The following ADGRV1 variants were observed in gnomAD, a reference collection of about 807,000 sequenced individuals.
ADGRV1 encodes adhesion G protein-coupled receptor V1.
In ADGRV1, 359 loss-of-function variants were observed where a neutral mutation model predicts 596.2. The observed-to-expected ratio is 0.60, with a 90% CI of 0.55 to 0.66. The LOEUF is 0.66. Ranked by LOEUF, ADGRV1 falls within the 30% of genes least tolerant of loss-of-function variation. ADGRV1 has a pLI of 0.00. For synonymous variants in ADGRV1, 2,681 were observed against 2,679.2 expected (o/e 1.00, Z -0.02); for missense variants, 7,274 against 7,575.6 (o/e 0.96, Z 1.48).
Position 90,674,152 on chromosome 5 carries a change from C to T in ADGRV1, c.5028C>T (p.Gly1676=), listed in dbSNP as rs1580692248. The change falls in exon 23 of 90, where the codon GGC becomes GGT. Residue 1676 remains glycine, a synonymous_variant. Transcript: ENST00000405460. ...VSAIPGDGKL[G]STPTSGASID... ...CAATTCCTGGAGATGGGAAGCTAGG[C>T]TCAACTCCTACCAGTGGTGCAAGCA... 6.2e-7 allele frequency: 1 copy of T among 1,613,448 alleles called. No individual in the cohort carries two copies. Among genetic ancestry groups the T allele is most frequent in the African/African-American group, 1.3e-5 (1 of 75,016 alleles).
At chr5:90,689,043 G>T (rs934919966) in intron 29 of ADGRV1, among the ~76,000 whole-genome samples, 12 of 152,172 alleles carry the variant, frequency 7.9e-5, no homozygotes, top group African/African-American at 2.9e-4. Context: ...ATTTGCCTGA[G>T]AACTATTCAA....
chr5:90,958,872 A>G (rs1777733438), intron 83 of ADGRV1, among the ~76,000 whole-genome samples: 1 of 152,226 alleles, frequency 6.6e-6, no homozygotes, highest in South Asian at 2.1e-4. Flanking sequence ...AATTTAGCCC[A>G]TAACAATACT....
At chr5:90,921,753 A>G (rs897487085) in intron 83 of ADGRV1, among the ~76,000 whole-genome samples, 2 of 151,388 alleles carry the variant, frequency 1.3e-5, no homozygotes, top group African/African-American at 2.4e-5. Flanking sequence ...AGTAATGCAT[A>G]TATGTATAAT....
intron 35 of ADGRV1, 119 bp from the exon 36 acceptor site, chr5:90,704,270 A>G (rs931635236): frequency 7.4e-6 from 5 of 678,326 alleles, no homozygotes; most frequent in South Asian, 5.8e-5. Flanking sequence ...AAGCCACAGA[A>G]CTTTTGTTTA....
At chr5:90,653,077 C>T in intron 19 of ADGRV1, 132 bp from the exon 20 acceptor site, 2 of 790,842 alleles carry the variant, frequency 2.5e-6, no homozygotes, top group Non-Finnish European at 4.0e-6. Context: ...CACATGGTGA[C>T]ACTACTTTTC....
rs567262599 is a variant in ADGRV1, at chr5:90,763,219, T to C, written c.12121-86T>C. On this transcript the variant is annotated intron_variant, in intron 58 of 89. Transcript: ENST00000405460. ...ATTCTAAATTATAAAACTGCAGTCA[T>C]TGTAAACAGAAATAAGATTCTACTT... 84 of 1,150,898 alleles carry C rather than the reference T, an allele frequency of 7.3e-5. No homozygotes were observed. In the East Asian group the frequency reaches 2.0e-3, roughly 27 times the overall value. The allele number at this position is 1,150,898 out of a possible 1,614,324, so 71.3% of individuals were successfully genotyped here.
Position 90,815,754 on chromosome 5 carries a change from A to T in ADGRV1, c.16196+18A>T, listed in dbSNP as rs1286147591. ...CCAAACAGGTATGTGTATATATAGT[A>T]TATGGAAGACGTAACATTCTGTGTG... On this transcript the variant is annotated intron_variant, in intron 75 of 89. Coordinates refer to ENST00000405460, the MANE Select transcript of ADGRV1 (RefSeq NM_032119.4). 4 of 1,228,464 alleles carry T rather than the reference A, an allele frequency of 3.3e-6. No homozygotes were observed. Among genetic ancestry groups the T allele is most frequent in the Non-Finnish European group, 4.7e-6 (4 of 851,264 alleles). The allele number at this position is 1,228,464 out of a possible 1,614,324, so 76.1% of individuals were successfully genotyped here.
At chr5:90,716,947 A>C (rs1750192529) in intron 43 of ADGRV1, 1 of 361,976 alleles carries the variant, frequency 2.8e-6, no homozygotes, top group Non-Finnish European at 5.0e-6. Flanking sequence ...AGGGTAAAAG[A>C]ATATGCAAAT....
At chr5:91,000,668 C>CTGTGTGTGTGTGTG (rs6149110) in intron 85 of ADGRV1, among the ~76,000 whole-genome samples, 3,383 of 141,162 alleles carry the variant, frequency 0.024, 120 homozygotes, top group Admixed American at 0.1. Context: ...CTTACAGGAT[C>CTGTGTGTGTGTGTG]TGTGTGTGTG....
At position 90,596,662 on chromosome 5, in the gene ADGRV1, C is replaced by T. The variant is rs550571808; in HGVS notation, c.23-18173C>T. ...AAAACCAGTCAGGCGTGGCGGCGCG[C>T]GCCTGCAATTGCAGGCACTCCGCAG... On this transcript the variant is annotated intron_variant, in intron 1 of 89. Coordinates refer to ENST00000405460, the MANE Select transcript of ADGRV1 (RefSeq NM_032119.4). Among the ~76,000 whole-genome samples the T allele has an allele frequency of 6.6e-5, 10 of 152,272 alleles. No individual in the cohort carries two copies. The South Asian group carries it at 1.5e-3, about 22-fold the overall frequency.
chr5:90,899,488 A>G (rs1771633876), intron 83 of ADGRV1, among the ~76,000 whole-genome samples: 1 of 152,124 alleles, frequency 6.6e-6, no homozygotes, highest in Non-Finnish European at 1.5e-5. Context: ...ACTTGGCCAA[A>G]TCTGGGAACT....
chr5:91,147,132 C>T (rs1158508577), intron 87 of ADGRV1, among the ~76,000 whole-genome samples: 1 of 147,576 alleles, frequency 6.8e-6, no homozygotes, highest in Non-Finnish European at 1.5e-5. Flanking sequence ...CACCACTGCA[C>T]TCCAACTGAA....
intron 83 of ADGRV1, among the ~76,000 whole-genome samples, chr5:90,875,875 G>A (rs1769173748): frequency 6.6e-6 from 1 of 152,140 alleles, no homozygotes; most frequent in Admixed American, 6.5e-5. Context: ...ATAACTAATT[G>A]TAAAAGCTAA....
chr5:90,819,250 T>C (rs1039069416), intron 75 of ADGRV1, among the ~76,000 whole-genome samples: 37 of 151,942 alleles, frequency 2.4e-4, no homozygotes, highest in African/African-American at 8.5e-4. Context: ...TTCTGTGGGA[T>C]TGGTGGTGAT....
At position 90,627,765 on chromosome 5, in the gene ADGRV1, T is replaced by A; in HGVS notation, c.1227T>A (p.Asp409Glu). ...AAAGGACAGTTATAATTGATGAAGATAGAATATCAAGGTATGATTTATTTT... is the reference window on the plus strand; with the variant it reads ...AAAGGACAGTTATAATTGATGAAGAAAGAATATCAAGGTATGATTTATTTT... ...LFERTVIIDEDRISRYEEITV... is the reference protein window; with the variant it reads ...LFERTVIIDEERISRYEEITV... The change falls in exon 7 of 90, where the codon GAT (aspartate) becomes GAA (glutamate). Residue 409 changes from aspartate to glutamate, a missense_variant. Physicochemically the swap from Asp to Glu is conservative, Grantham distance 45. Transcript: ENST00000405460. 6.6e-7 allele frequency: 1 copy of A among 1,510,910 alleles called. No individual in the cohort carries two copies. Among genetic ancestry groups the A allele is most frequent in the Non-Finnish European group, 8.9e-7 (1 of 1,120,554 alleles). The allele number at this position is 1,510,910 out of a possible 1,614,324, so 93.6% of individuals were successfully genotyped here.
intron 1 of ADGRV1, among the ~76,000 whole-genome samples, chr5:90,564,720 G>A (rs1194500671): frequency 2.5e-5 from 1 of 40,124 alleles, no homozygotes; most frequent in African/African-American, 1.6e-4. Flanking sequence ...TCCGCCTCCC[G>A]GGTTCACGCC....
rs1484186665 is a variant in ADGRV1 at position 90,622,597 on chromosome 5, C to T, written c.454C>T (p.Leu152Phe). 1.4e-6 allele frequency: 2 copies of T among 1,424,124 alleles called. No individual in the cohort carries two copies. Among genetic ancestry groups the T allele is most frequent in the Non-Finnish European group, 1.9e-6 (2 of 1,080,630 alleles). The allele number at this position is 1,424,124 out of a possible 1,614,324, so 88.2% of individuals were successfully genotyped here. A position where few individuals can be genotyped will look rare whatever the true frequency, so the allele number is the denominator to read the frequency against. ...CATCTGTGCTTGCTTTCCTCAATAG[C>T]TTCCCTCAATCGCAGTGAGTGAGCC... ...NAFGIISFNM[L>F]PSIAVSEPKG... The change falls in exon 5 of 90, where the codon CTT becomes TTT. Residue 152 changes from leucine to phenylalanine, a missense_variant and splice_region_variant. This residue lies in a region of ADGRV1 where 1,715 missense variants were observed against 1,708.8 expected (regional missense o/e 1.00). Transcript: ENST00000405460.
chr5:90,602,024 T>G lies in ADGRV1; in HGVS notation c.23-12811T>G, dbSNP rs969826299. 2.6e-5 allele frequency among the ~76,000 whole-genome samples: 4 copies of G among 152,276 alleles called. No individual in the cohort carries two copies. The East Asian group carries it at 7.7e-4, about 29-fold the overall frequency. ...CGTAGACACATGATTTCAGAGAATA[T>G]TTGAAGAGGAAAATCTGAAATTGTT... On this transcript the variant is annotated intron_variant, in intron 1 of 89. Transcript: ENST00000405460.
Position 90,708,799 on chromosome 5 carries a change from G to A in ADGRV1, c.8731-17G>A. 1 of 1,506,940 alleles carries A rather than the reference G, an allele frequency of 6.6e-7. No individual in the cohort carries two copies. Among genetic ancestry groups the A allele is most frequent in the South Asian group, 1.1e-5 (1 of 87,564 alleles). 93.3% of individuals were successfully genotyped at this position (1,506,940 alleles called of 1,614,324 possible). On this transcript the variant is annotated splice_polypyrimidine_tract_variant and intron_variant, in intron 38 of 89. Coordinates refer to ENST00000405460, the MANE Select transcript of ADGRV1 (RefSeq NM_032119.4). ...GAGAGTATAACTAAAGGAATTTAATGAGTGTAATTTTTTCAGGATGATGTA... is the reference window on the plus strand; with the variant it reads ...GAGAGTATAACTAAAGGAATTTAATAAGTGTAATTTTTTCAGGATGATGTA...
Sources: gnomAD v4.1 joint callset for allele counts (sites outside exome capture counted in the v4.1 genomes callset) on GRCh38, gnomAD v4.1.1 for gene constraint, gnomAD v4.1.1 regional missense constraint, MANE v1.5 for transcripts, NCBI Gene and HGNC (gene_info 2026-07-23, HGNC 2026-07-21) for gene names.